Variants in KCNT2 observed in about 807,000 individuals in gnomAD.
The protein encoded by KCNT2 is potassium sodium-activated channel subfamily T member 2, also known as potassium channel subfamily T member 2.
KCNT2 carries 67 observed loss-of-function variants against 153.8 expected under a neutral mutation model. That is an observed-to-expected ratio of 0.44 (90% confidence interval 0.36 to 0.53). The LOEUF is 0.53. Among genes scored for constraint, KCNT2 ranks in the 20% least tolerant of loss-of-function variants. The pLI is 0.00. For missense variants in KCNT2, 975 were observed against 1,354.8 expected (o/e 0.72, Z 4.40); for synonymous variants, 500 against 458.8 (o/e 1.09, Z -1.15).
chr1:196,475,704 G>A (rs1678474001), intron 5 of KCNT2, among the ~76,000 whole-genome samples: 1 of 151,978 alleles, frequency 6.6e-6, no homozygotes, highest in South Asian at 2.1e-4. Flanking sequence ...CCAATTACTT[G>A]ATTTACCCAT....
At chr1:196,442,117 T>C (rs1366373301) in intron 8 of KCNT2, among the ~76,000 whole-genome samples, 1 of 151,724 alleles carries the variant, frequency 6.6e-6, no homozygotes, top group African/African-American at 2.4e-5. Flanking sequence ...AGTTAAACGC[T>C]TATTGGGAAA....
chr1:196,452,417 A>G (rs941704089), intron 8 of KCNT2, among the ~76,000 whole-genome samples: 4 of 151,924 alleles, frequency 2.6e-5, no homozygotes, highest in East Asian at 1.9e-4. Context: ...TCCCTATTCT[A>G]TAGCTCACTA....
chr1:196,527,621 T>A (rs139023481), intron 1 of KCNT2, among the ~76,000 whole-genome samples: 198 of 152,302 alleles, frequency 1.3e-3, no homozygotes, highest in African/African-American at 4.2e-3. Context: ...TGCTTGTGAA[T>A]CAGCATGTGC....
chr1:196,406,352 T>C (rs1187364706), intron 12 of KCNT2, among the ~76,000 whole-genome samples: 2 of 151,530 alleles, frequency 1.3e-5, no homozygotes, highest in African/African-American at 4.8e-5. Context: ...TATATACTTA[T>C]TTTAAATACA....
At chr1:196,580,196 A>C (rs1486654331) in intron 1 of KCNT2, among the ~76,000 whole-genome samples, 5 of 152,214 alleles carry the variant, frequency 3.3e-5, no homozygotes, top group Non-Finnish European at 7.3e-5. Flanking sequence ...TAATGGATTT[A>C]TTATGAATGG....
intron 12 of KCNT2, among the ~76,000 whole-genome samples, chr1:196,405,652 T>C (rs1211694507): frequency 1.3e-5 from 2 of 151,560 alleles, no homozygotes; most frequent in Non-Finnish European, 3.0e-5. Flanking sequence ...CATCTACACG[T>C]GATAAAACAT....
At chr1:196,361,288 C>G (rs985120617) in intron 14 of KCNT2, among the ~76,000 whole-genome samples, 1 of 151,928 alleles carries the variant, frequency 6.6e-6, no homozygotes, top group Non-Finnish European at 1.5e-5. Flanking sequence ...TAGATAGTGT[C>G]TGTATATATC....
At position 196,398,580 on chromosome 1, in the gene KCNT2, A is replaced by G. The variant is rs1671149843; in HGVS notation, c.1277T>C (p.Phe426Ser). 1 of 1,595,646 alleles carries G rather than the reference A, an allele frequency of 6.3e-7. No homozygotes were observed. Among genetic ancestry groups the G allele is most frequent in the Non-Finnish European group, 8.6e-7 (1 of 1,165,794 alleles). The change falls in exon 13 of 28, where the codon TTT becomes TCT. Residue 426 changes from phenylalanine to serine, a missense_variant. Phe to Ser is a radical substitution (Grantham distance 155). This residue lies in a region of KCNT2 where 202 missense variants were observed against 314.9 expected (regional missense o/e 0.64). Coordinates refer to ENST00000294725, the MANE Select transcript of KCNT2 (RefSeq NM_198503.5). The stretch of plus-strand genomic sequence containing the variant: ...AAACTTACCAGCAAATTTGATGTGA[A>G]ATTTATTTTCAGGCTTTAATATCTG... ...YVQILKPENK[F>S]HIKFADHVVC... is the part of the protein sequence containing the mutation.
chr1:196,327,817 C>G (rs1428885684), intron 18 of KCNT2, among the ~76,000 whole-genome samples: 1 of 151,894 alleles, frequency 6.6e-6, no homozygotes, highest in Non-Finnish European at 1.5e-5. Context: ...CAGGTGGGCA[C>G]CAGCATGCTC....
intron 1 of KCNT2, among the ~76,000 whole-genome samples, chr1:196,554,891 C>T (rs570316715): frequency 2.2e-4 from 33 of 150,928 alleles, no homozygotes; most frequent in South Asian, 2.1e-4. Flanking sequence ...AAAAAATATA[C>T]GATTATTTAA....
At chr1:196,290,467 C>T (rs1434633981) in intron 22 of KCNT2, among the ~76,000 whole-genome samples, 2 of 151,884 alleles carry the variant, frequency 1.3e-5, no homozygotes, top group Non-Finnish European at 2.9e-5. Flanking sequence ...CTAAGCCTTA[C>T]ATTTCTTAAG....
chr1:196,239,957 G>A (rs1654801415), intron 26 of KCNT2, among the ~76,000 whole-genome samples: 1 of 152,028 alleles, frequency 6.6e-6, no homozygotes, highest in South Asian at 2.1e-4. Flanking sequence ...AAAGAAGGCA[G>A]CCATCTGTCA....
intron 13 of KCNT2, among the ~76,000 whole-genome samples, chr1:196,380,517 A>G (rs1669385566): frequency 6.6e-6 from 1 of 152,178 alleles, no homozygotes; most frequent in Non-Finnish European, 1.5e-5. Flanking sequence ...TGCAGTTGCT[A>G]GGTAACAGCT....
chr1:196,441,351 ACTT>A (rs899067085), intron 8 of KCNT2, among the ~76,000 whole-genome samples: 3 of 151,030 alleles, frequency 2.0e-5, no homozygotes, highest in Non-Finnish European at 4.4e-5. Flanking sequence ...AAAAGTATTC[ACTT>A]CTTAAGTCTC....
At chr1:196,561,977 G>A (rs191502863) in intron 1 of KCNT2, among the ~76,000 whole-genome samples, 9 of 151,934 alleles carry the variant, frequency 5.9e-5, no homozygotes, top group African/African-American at 7.2e-5. Context: ...GGTTAAGATC[G>A]GGGATGAGGA....
chr1:196,272,336 G>A (rs571264402), intron 25 of KCNT2, among the ~76,000 whole-genome samples: 5 of 151,986 alleles, frequency 3.3e-5, no homozygotes, highest in African/African-American at 1.2e-4. Context: ...CACTATGCAA[G>A]ATATTGAAGG....
chr1:196,548,740 C>G (rs955627679), intron 1 of KCNT2, among the ~76,000 whole-genome samples: 1 of 151,898 alleles, frequency 6.6e-6, no homozygotes, highest in Non-Finnish European at 1.5e-5. Flanking sequence ...CAATTGCAAA[C>G]ACTTGGAACC....
intron 12 of KCNT2, among the ~76,000 whole-genome samples, chr1:196,416,575 T>G (rs372170469): frequency 4.9e-4 from 74 of 152,190 alleles, no homozygotes; most frequent in South Asian, 3.5e-3. Flanking sequence ...CTTGTTTCAC[T>G]AAACAGTTTT....
At chr1:196,536,389 T>C (rs76734929) in intron 1 of KCNT2, among the ~76,000 whole-genome samples, 2,005 of 152,334 alleles carry the variant, frequency 0.013, 34 homozygotes, top group South Asian at 0.04. Context: ...ACTTTCTTAG[T>C]GATCACCATT....
Sources: allele counts gnomAD v4.1 joint callset (sites outside exome capture counted in the v4.1 genomes callset), GRCh38; gene constraint gnomAD v4.1.1; regional missense constraint gnomAD v4.1.1; transcripts MANE v1.5; gene names NCBI Gene and HGNC (gene_info 2026-07-23, HGNC 2026-07-21).